The following ZNF324B variants were observed in gnomAD, a reference collection of about 807,000 sequenced individuals.
The protein encoded by ZNF324B is zinc finger protein 324B.
Under a neutral mutation model 10.6 loss-of-function variants are expected in ZNF324B, and 7 were observed. The observed-to-expected ratio is 0.66, with a 90% CI of 0.38 to 1.24. The LOEUF is 1.24. Among genes scored for constraint, ZNF324B ranks in the 50% most tolerant of loss-of-function variants. ZNF324B has a pLI of 0.02. For synonymous variants in ZNF324B, 316 were observed against 321.0 expected (o/e 0.98, Z 0.17); for missense variants, 640 against 764.7 (o/e 0.84, Z 1.92).
chr19:58,431,201 C>G, the ZNF324B span: 1 of 152,210 alleles, frequency 6.6e-6, no homozygotes, highest in Non-Finnish European at 1.5e-5. Flanking sequence ...GGGTTTCTAC[C>G]TGGAGTACAC....
the ZNF324B span, among the ~76,000 whole-genome samples, chr19:58,422,075 G>A: frequency 1.3e-5 from 2 of 152,080 alleles, no homozygotes; most frequent in African/African-American, 4.8e-5. Flanking sequence ...GTGCCACCAC[G>A]CCTGGCTAAT....
chr19:58,435,888 T>C, the ZNF324B span, among the ~76,000 whole-genome samples: 6 of 152,214 alleles, frequency 3.9e-5, no homozygotes, highest in East Asian at 1.2e-3. Context: ...TATAGGCACC[T>C]TGCCCAGCTT....
chr19:58,443,809 G>A, the ZNF324B span: 1 of 152,262 alleles, frequency 6.6e-6, no homozygotes, highest in Non-Finnish European at 1.5e-5. Flanking sequence ...GTGAAGTTCA[G>A]TTCTTTCCAG....
At chr19:58,438,442 C>T in the ZNF324B span, among the ~76,000 whole-genome samples, 2 of 151,806 alleles carry the variant, frequency 1.3e-5, no homozygotes, top group Non-Finnish European at 2.9e-5. Context: ...CTCCTCACAC[C>T]AACTTCCACA....
chr19:58,427,521 TTTC>T, the ZNF324B span, among the ~76,000 whole-genome samples: 1 of 146,494 alleles, frequency 6.8e-6, no homozygotes, highest in Non-Finnish European at 1.5e-5. Context: ...TCTTTCTTTC[TTTC>T]TTTCTTTTCT....
At chr19:58,446,373 T>C in the ZNF324B span, among the ~76,000 whole-genome samples, 1 of 152,152 alleles carries the variant, frequency 6.6e-6, no homozygotes, top group African/African-American at 2.4e-5. Context: ...CACTGGGTCC[T>C]GTGGTGGAAG....
the ZNF324B span, chr19:58,434,031 G>A: frequency 4.4e-4 from 706 of 1,614,122 alleles, 2 homozygotes; most frequent in Middle Eastern, 7.3e-3. Flanking sequence ...GGAGATGGGA[G>A]CTTTGGCTGA....
In ZNF324B at chr19:58,456,374, G is replaced by A. The variant is rs375652869; in HGVS notation, c.1430G>A (p.Gly477Asp). Residue 477 changes from glycine to aspartate, a missense_variant, in exon 4 of 4, where the codon GGC (glycine) becomes GAC (aspartate). Coordinates refer to ENST00000336614, the MANE Select transcript of ZNF324B (RefSeq NM_207395.3). The surrounding 1 kb of genome is among the most constrained non-coding windows in gnomAD (Gnocchi z 4.7). ...VLLSHRRIHTGEKPFVCTQCG... is the reference protein window; with the variant it reads ...VLLSHRRIHTDEKPFVCTQCG... ...CTCAGCCACCGGCGCATTCACACGG[G>A]CGAGAAGCCCTTCGTGTGCACGCAG... The A allele has an allele frequency of 5.4e-5, 87 of 1,612,830 alleles. 3 individuals carry two copies. In the South Asian group the frequency reaches 9.0e-4, roughly 17 times the overall value.
In ZNF324B at chr19:58,456,079, T is replaced by C; in HGVS notation, c.1135T>C (p.Cys379Arg). The change falls in exon 4 of 4, where the codon TGC (cysteine) becomes CGC (arginine). Residue 379 changes from cysteine (C) to arginine (R), a missense_variant. Around this residue, in one of 3 missense-constraint regions of ZNF324B, gnomAD observed 238 missense variants for 258.0 expected, o/e 0.92. Coordinates refer to ENST00000336614, the MANE Select transcript of ZNF324B (RefSeq NM_207395.3). The surrounding 1 kb of genome is among the most constrained non-coding windows in gnomAD (Gnocchi z 4.7). ...TTGCGCACAGTGTGGCCGCCGCTTC[T>C]GCCGCAACTCGCACCTGATCCAGCA... ...YACAQCGRRFCRNSHLIQHER... is the reference protein window; with the variant it reads ...YACAQCGRRFRRNSHLIQHER... The C allele has an allele frequency of 6.2e-7, 1 of 1,612,094 alleles. No homozygotes were observed. The highest frequency in any genetic ancestry group is 1.3e-5 in the African/African-American group (1 of 75,014).
chr19:58,448,101 T>G (rs1396198334), upstream of ZNF324B, among the ~76,000 whole-genome samples: 1 of 152,076 alleles, frequency 6.6e-6, no homozygotes, highest in Non-Finnish European at 1.5e-5. Context: ...AGTAAATTGG[T>G]AGAGTGGGGT....
At chr19:58,454,483 G>A (rs1235895762) in intron 3 of ZNF324B, 139 bp downstream of exon 3, 2 of 645,818 alleles carry the variant, frequency 3.1e-6, no homozygotes, top group Admixed American at 5.2e-5. Context: ...AGCCTCTCCT[G>A]GAGGCTGCTG....
At chr19:58,433,954 C>T in the ZNF324B span, 2 of 1,614,164 alleles carry the variant, frequency 1.2e-6, no homozygotes, top group Admixed American at 1.7e-5. Flanking sequence ...GGAGCTATTA[C>T]TGAAGGCTTT....
Position 58,455,541 on chromosome 19 carries a change from A to C in ZNF324B, c.597A>C (p.Ala199=), listed in dbSNP as rs776452615. 3 of 1,614,098 alleles carry C rather than the reference A, an allele frequency of 1.9e-6. No homozygotes were observed. The highest frequency in any genetic ancestry group is 2.5e-6 in the Non-Finnish European group (3 of 1,180,012). Residue 199 remains alanine (A), a synonymous_variant, in exon 4 of 4, where the codon GCA becomes GCC. Coordinates refer to ENST00000336614, the MANE Select transcript of ZNF324B (RefSeq NM_207395.3). This position sits in a 1 kb window ranked among gnomAD's most constrained non-coding sequence, Gnocchi z 7.0. ...CGCCTGAGCGGCAGAAGCCATGTGC[A>C]CAGGAGGTCCCTGGGAGAGCCTTCG... The part of the protein sequence containing the change: ...PRTPERQKPC[A]QEVPGRAFGN...
the ZNF324B span, chr19:58,444,050 G>A: frequency 6.6e-6 from 1 of 152,378 alleles, no homozygotes; most frequent in Admixed American, 6.5e-5. Flanking sequence ...GTTCTGTTGA[G>A]TGGAAGACAG....
chr19:58,454,316 C>T lies in ZNF324B; in HGVS notation c.210C>T (p.Ala70=). 4 of 1,613,960 alleles carry T rather than the reference C, an allele frequency of 2.5e-6. No homozygotes were observed. The highest frequency in any genetic ancestry group is 3.4e-6 in the Non-Finnish European group (4 of 1,179,862). ...WVPSGKDMTL[A]RNTYGRLNSG... is the part of the protein sequence containing the mutation. Reference sequence around the variant, plus strand: ...CCAGTGGAAAGGACATGACCCTGGCCAGGAACACCTACGGGAGGCTCAACT... The same window carrying T: ...CCAGTGGAAAGGACATGACCCTGGCTAGGAACACCTACGGGAGGCTCAACT... The change falls in exon 3 of 4, where the codon GCC becomes GCT. Residue 70 remains alanine (A), a synonymous_variant. Coordinates refer to ENST00000336614, the MANE Select transcript of ZNF324B (RefSeq NM_207395.3).
chr19:58,431,132 G>A, the ZNF324B span: 2 of 152,190 alleles, frequency 1.3e-5, no homozygotes, highest in African/African-American at 2.4e-5. Flanking sequence ...CATCTGAAAA[G>A]GTGGTCTTCA....
the ZNF324B span, chr19:58,437,302 T>C: frequency 2.1e-6 from 3 of 1,415,274 alleles, no homozygotes; most frequent in Non-Finnish European, 2.8e-6. Context: ...ACCACTAATA[T>C]CTCTTTTTCT....
rs117311471 is a variant in ZNF324B, at chr19:58,455,426, G to A, written c.482G>A (p.Arg161Gln). The A allele has an allele frequency of 0.019, 30,493 of 1,614,146 alleles. 347 individuals carry two copies. The highest frequency in any genetic ancestry group is 0.022 in the Non-Finnish European group (26,212 of 1,180,014). ...SRSDQASISL[R>Q]LTSPLRPPKS... ...AGTGACCAGGCCAGCATCAGCCTGC[G>A]ACTGACCTCCCCACTCAGGCCCCCC... is the stretch of plus-strand genomic sequence containing the variant. Residue 161 changes from arginine to glutamine, a missense_variant, in exon 4 of 4, where the codon CGA (arginine) becomes CAA (glutamine). Coordinates refer to ENST00000336614, the MANE Select transcript of ZNF324B (RefSeq NM_207395.3). The surrounding 1 kb of genome is among the most constrained non-coding windows in gnomAD (Gnocchi z 7.0).
At chr19:58,442,926 G>C in the ZNF324B span, 5 of 152,256 alleles carry the variant, frequency 3.3e-5, no homozygotes. Context: ...GCGGGTTGCC[G>C]CTGCTGGCTT....
Sources: gnomAD v4.1 joint callset for allele counts (sites outside exome capture counted in the v4.1 genomes callset) on GRCh38, gnomAD v4.1.1 for gene constraint, gnomAD v4.1.1 regional missense constraint, Gnocchi (gnomAD v3.1) non-coding constraint, MANE v1.5 for transcripts, NCBI Gene and HGNC (gene_info 2026-07-23, HGNC 2026-07-21) for gene names.